The following RMND5A variants were observed in gnomAD, a reference collection of about 807,000 sequenced individuals.
The protein encoded by RMND5A is E3 ubiquitin-protein transferase RMND5A.
A neutral mutation model predicts 49.7 loss-of-function variants in RMND5A; 17 were observed. The ratio of observed to expected loss-of-function variants is 0.34; its 90% CI spans 0.23 to 0.51. RMND5A has a LOEUF of 0.51. Among genes scored for constraint, RMND5A ranks in the 20% least tolerant of loss-of-function variants. The pLI, the probability that RMND5A is intolerant of heterozygous loss-of-function variation, is 0.96. For synonymous variants in RMND5A, 156 were observed against 167.7 expected (o/e 0.93, Z 0.54); for missense variants, 255 against 471.3 (o/e 0.54, Z 4.25).
intron 4 of RMND5A, among the ~76,000 whole-genome samples, chr2:86,759,294 A>G (rs956248439): frequency 6.6e-6 from 1 of 152,186 alleles, no homozygotes; most frequent in Non-Finnish European, 1.5e-5. Flanking sequence ...AGGCCTGACA[A>G]TTAAGATAAT....
At chr2:86,750,816 A>G (rs1056003863) in intron 2 of RMND5A, among the ~76,000 whole-genome samples, 9 of 143,324 alleles carry the variant, frequency 6.3e-5, no homozygotes, top group African/African-American at 1.6e-4. Context: ...GATGAATTCT[A>G]TTGATTTTCA....
chr2:86,720,893 C>A (rs1441063078), intron 1 of RMND5A, 84 bp downstream of exon 1: 6 of 1,344,842 alleles, frequency 4.5e-6, no homozygotes, highest in Admixed American at 5.4e-5. Context: ...CCCTCACCCA[C>A]CCTCGCGCCT....
intron 6 of RMND5A, among the ~76,000 whole-genome samples, chr2:86,769,095 A>G (rs1225731169): frequency 6.6e-6 from 1 of 151,952 alleles, no homozygotes; most frequent in Non-Finnish European, 1.5e-5. Context: ...ATGCTACCAT[A>G]CCTGGCTAAT....
chr2:86,732,740 A>G (rs1443531232), intron 1 of RMND5A, among the ~76,000 whole-genome samples: 1 of 140,424 alleles, frequency 7.1e-6, no homozygotes, highest in East Asian at 2.0e-4. Context: ...AGTTTTGTAA[A>G]AAAGAAACTG....
chr2:86,764,610 A>T (rs960298824), intron 4 of RMND5A, among the ~76,000 whole-genome samples: 3 of 152,246 alleles, frequency 2.0e-5, no homozygotes, highest in African/African-American at 7.2e-5. Flanking sequence ...TCTTGCAACT[A>T]TTGAAAGTTT....
chr2:86,774,545 T>C lies in RMND5A; in HGVS notation c.*1134T>C, dbSNP rs1279128517. 1 of 152,694 alleles carries C rather than the reference T, an allele frequency of 6.5e-6. No individual in the cohort carries two copies. The highest frequency in any genetic ancestry group is 2.4e-5 in the African/African-American group (1 of 41,474). The allele number at this position is 152,694 out of a possible 1,614,324, so 9.5% of individuals were successfully genotyped here. A position where few individuals can be genotyped will look rare whatever the true frequency, so the allele number is the denominator to read the frequency against. ...GATGGATACAGATAATGATCTTTTC[T>C]CTTGTGAGGTATCTTCATTTATGCA... On this transcript the variant is annotated 3_prime_UTR_variant, in exon 9 of 9. Transcript: ENST00000283632.
At chr2:86,762,565 A>C (rs1251960123) in intron 4 of RMND5A, among the ~76,000 whole-genome samples, 1 of 151,696 alleles carries the variant, frequency 6.6e-6, no homozygotes, top group Non-Finnish European at 1.5e-5. Context: ...GAATGGCTTG[A>C]ACCTGGGAGG....
intron 8 of RMND5A, among the ~76,000 whole-genome samples, chr2:86,772,311 C>G (rs183006301): frequency 6.6e-6 from 1 of 151,906 alleles, no homozygotes; most frequent in Admixed American, 6.6e-5. Context: ...AAAAATTAGC[C>G]GGGTGTGGTG....
chr2:86,750,252 T>C (rs967527540), intron 2 of RMND5A, among the ~76,000 whole-genome samples: 1 of 152,228 alleles, frequency 6.6e-6, no homozygotes, highest in Non-Finnish European at 1.5e-5. Flanking sequence ...TCTGGTGTCA[T>C]TTTCTTCTGT....
chr2:86,764,179 T>A (rs1305201283), intron 4 of RMND5A, among the ~76,000 whole-genome samples: 1 of 152,208 alleles, frequency 6.6e-6, no homozygotes, highest in African/African-American at 2.4e-5. Context: ...TGGTCTTTGG[T>A]GAATTAGGTT....
chr2:86,769,006 C>T (rs1672643745), intron 6 of RMND5A, among the ~76,000 whole-genome samples: 1 of 152,140 alleles, frequency 6.6e-6, no homozygotes, highest in South Asian at 2.1e-4. Flanking sequence ...AGTGCAGTGG[C>T]ACGATCGTGG....
At chr2:86,748,402 T>C (rs989698729) in intron 2 of RMND5A, 3 of 152,218 alleles carry the variant, frequency 2.0e-5, no homozygotes, top group African/African-American at 7.2e-5. Flanking sequence ...CTCAGAAGTG[T>C]CCAGAAAACA....
At chr2:86,766,532 C>T (rs1258726129) in intron 6 of RMND5A, among the ~76,000 whole-genome samples, 1 of 151,916 alleles carries the variant, frequency 6.6e-6, no homozygotes, top group East Asian at 1.9e-4. Flanking sequence ...GACGTGGTGG[C>T]GGGTACCTTT....
chr2:86,766,109 C>A, intron 6 of RMND5A, 85 bp downstream of exon 6: 2 of 1,200,366 alleles, frequency 1.7e-6, no homozygotes, highest in South Asian at 1.6e-5. Flanking sequence ...ATGTTTAAAG[C>A]CAAAATAACT....
intron 6 of RMND5A, 115 bp from the exon 7 acceptor site, chr2:86,769,908 C>T (rs1672661336): frequency 7.0e-6 from 5 of 710,448 alleles, no homozygotes; most frequent in Non-Finnish European, 1.3e-5. Context: ...AAAGCTCTCA[C>T]CCTGTCCAGT....
Position 86,761,111 on chromosome 2 carries a change from T to G in RMND5A, c.522-3916T>G, listed in dbSNP as rs938347572. ...ACTTCACAGCCAGTAAAAGATGCTT[T>G]TATCATGTTCAGAAGTTGTGAATTG... On this transcript the variant is annotated intron_variant, in intron 4 of 8. Coordinates refer to ENST00000283632, the MANE Select transcript of RMND5A (RefSeq NM_022780.4). 3.4e-4 allele frequency among the ~76,000 whole-genome samples: 52 copies of G among 152,116 alleles called. 1 individual carries two copies. Among genetic ancestry groups the G allele is most frequent in the Non-Finnish European group, 1.0e-4 (7 of 68,024 alleles).
chr2:86,732,323 T>A (rs951123412), intron 1 of RMND5A, among the ~76,000 whole-genome samples: 2 of 150,370 alleles, frequency 1.3e-5, no homozygotes, highest in African/African-American at 2.5e-5. Flanking sequence ...CCTCCCCCCA[T>A]ATCATAAAAA....
At chr2:86,772,599 CT>C (rs762440102) in intron 8 of RMND5A, among the ~76,000 whole-genome samples, 331 of 142,498 alleles carry the variant, frequency 2.3e-3, no homozygotes, top group Non-Finnish European at 2.4e-3. Flanking sequence ...GTGAGCTCAG[CT>C]TTTTTTTTTT....
chr2:86,749,079 A>G (rs1054323935), intron 2 of RMND5A, among the ~76,000 whole-genome samples: 2 of 152,214 alleles, frequency 1.3e-5, no homozygotes, highest in African/African-American at 4.8e-5. Flanking sequence ...ATGCATTTGA[A>G]TGGCCCTTTG....
Sources: allele counts gnomAD v4.1 joint callset (sites outside exome capture counted in the v4.1 genomes callset), GRCh38; gene constraint gnomAD v4.1.1; transcripts MANE v1.5; gene names NCBI Gene and HGNC (gene_info 2026-07-23, HGNC 2026-07-21).